Variants in ANXA4 observed in about 807,000 individuals in gnomAD.
ANXA4 encodes annexin A4.
A neutral mutation model predicts 49.8 loss-of-function variants in ANXA4; 39 were observed. The observed-to-expected ratio is 0.78, with a 90% CI of 0.61 to 1.02. ANXA4 has a LOEUF of 1.02. ANXA4 is among the 50% of genes least tolerant of loss of function. The pLI is 0.00. For synonymous variants in ANXA4, 134 were observed against 152.5 expected, an observed-to-expected ratio of 0.88 and a Z score of 0.89; for missense variants, 360 against 410.1, an observed-to-expected ratio of 0.88 and a Z score of 1.05.
chr2:69,728,735 T>C (rs1179901595), intron 3 of ANXA4, among the ~76,000 whole-genome samples: 2 of 152,238 alleles, frequency 1.3e-5, no homozygotes, highest in Non-Finnish European at 2.9e-5. Flanking sequence ...TCTCTATCTG[T>C]ATATGAATAC....
chr2:69,727,442 T>G (rs1448397264), intron 3 of ANXA4, among the ~76,000 whole-genome samples: 1 of 152,166 alleles, frequency 6.6e-6, no homozygotes, highest in Non-Finnish European at 1.5e-5. Flanking sequence ...TTTTGGACAT[T>G]CTGGTGTGTG....
At chr2:69,727,019 A>G (rs1297124647) in intron 3 of ANXA4, among the ~76,000 whole-genome samples, 1 of 152,036 alleles carries the variant, frequency 6.6e-6, no homozygotes, top group Non-Finnish European at 1.5e-5. Flanking sequence ...AGTAGCTGGG[A>G]CTACAGGTGT....
intron 1 of ANXA4, among the ~76,000 whole-genome samples, chr2:69,751,990 A>C (rs1261089930): frequency 6.6e-6 from 1 of 152,218 alleles, no homozygotes; most frequent in African/African-American, 2.4e-5. Flanking sequence ...TCAGTATAAT[A>C]ATTTGATATA....
intron 3 of ANXA4, among the ~76,000 whole-genome samples, chr2:69,788,895 AGAGG>A (rs1272413931): frequency 4.9e-5 from 6 of 123,580 alleles, no homozygotes; most frequent in African/African-American, 5.9e-5. Context: ...AAGAAGGAGG[AGAGG>A]GAGGGAGGGA....
chr2:69,718,824 GCA>G lies in ANXA4; in HGVS notation n.767-1943_767-1942del, dbSNP rs559368351. Reference sequence around the variant, plus strand: ...GCATACACACACATGCTGCACACATGCACACACATATACATGCACACACATAC... The same window carrying G: ...GCATACACACACATGCTGCACACATGCACACATATACATGCACACACATAC... On this transcript the variant is annotated intron_variant and non_coding_transcript_variant, in intron 2 of 3. Transcript: ENST00000418066. Among the ~76,000 whole-genome samples the G allele has an allele frequency of 6.0e-3, 906 of 150,230 alleles. 11 individuals are homozygous for G. Among genetic ancestry groups the G allele is most frequent in the African/African-American group, 0.02 (795 of 39,946 alleles).
At chr2:69,822,201 A>G (rs1029112571) in intron 12 of ANXA4, among the ~76,000 whole-genome samples, 10 of 152,116 alleles carry the variant, frequency 6.6e-5, no homozygotes, top group Non-Finnish European at 1.3e-4. Context: ...TCTCTACAAA[A>G]TCAACAAAAA....
intron 1 of ANXA4, among the ~76,000 whole-genome samples, chr2:69,757,301 C>T (rs1255350461): frequency 6.9e-5 from 8 of 115,446 alleles, no homozygotes; most frequent in Admixed American, 5.5e-4. Flanking sequence ...GGTGGAGTCT[C>T]GCTGTGTTGC....
At chr2:69,798,661 G>A (rs1673049579) in intron 3 of ANXA4, among the ~76,000 whole-genome samples, 1 of 152,236 alleles carries the variant, frequency 6.6e-6, no homozygotes, top group South Asian at 2.1e-4. Context: ...CTTCAAGACT[G>A]GTGGCCAGCC....
At chr2:69,779,156 CCTT>C (rs1216802707) in intron 1 of ANXA4, among the ~76,000 whole-genome samples, 43 of 142,782 alleles carry the variant, frequency 3.0e-4, no homozygotes, top group Non-Finnish European at 5.6e-4. Flanking sequence ...CAGAATGAAT[CCTT>C]TTTTTTTTAA....
chr2:69,796,682 A>G (rs992397612), intron 3 of ANXA4, among the ~76,000 whole-genome samples: 6 of 152,150 alleles, frequency 3.9e-5, no homozygotes, highest in African/African-American at 1.4e-4. Context: ...TAGGGGTAGA[A>G]GTGAAGCTGG....
At chr2:69,646,773 G>A (rs1376061176) in intron 1 of ANXA4, among the ~76,000 whole-genome samples, 1 of 152,140 alleles carries the variant, frequency 6.6e-6, no homozygotes, top group Non-Finnish European at 1.5e-5. Context: ...ACACTGGCCT[G>A]GAGATAAGCA....
chr2:69,746,683 C>T (rs1398254183), intron 1 of ANXA4, among the ~76,000 whole-genome samples: 1 of 152,156 alleles, frequency 6.6e-6, no homozygotes, highest in Non-Finnish European at 1.5e-5. Context: ...CATAATGCTT[C>T]TTGGTCCACA....
At chr2:69,692,148 G>A (rs1677997022) in intron 2 of ANXA4, among the ~76,000 whole-genome samples, 1 of 152,182 alleles carries the variant, frequency 6.6e-6, no homozygotes, top group African/African-American at 2.4e-5. Flanking sequence ...GCCTCCCAAA[G>A]TGCTGGGATT....
At chr2:69,715,642 C>T (rs1222921145) in intron 2 of ANXA4, among the ~76,000 whole-genome samples, 1 of 152,230 alleles carries the variant, frequency 6.6e-6, no homozygotes, top group Non-Finnish European at 1.5e-5. Context: ...GATGCAAATG[C>T]AGAGGCACGA....
At chr2:69,718,612 T>A (rs1429328215) in intron 2 of ANXA4, among the ~76,000 whole-genome samples, 1 of 152,210 alleles carries the variant, frequency 6.6e-6, no homozygotes, top group Non-Finnish European at 1.5e-5. Context: ...CTTCTTGTGC[T>A]TTGGGGTTTC....
intron 2 of ANXA4, among the ~76,000 whole-genome samples, chr2:69,787,504 G>T (rs1053474258): frequency 6.6e-6 from 1 of 152,166 alleles, no homozygotes; most frequent in Non-Finnish European, 1.5e-5. Flanking sequence ...CTGGAAATTT[G>T]TTTTTGGCTC....
chr2:69,753,225 A>G (rs1160264393), intron 1 of ANXA4, among the ~76,000 whole-genome samples: 3 of 152,166 alleles, frequency 2.0e-5, no homozygotes, highest in Non-Finnish European at 2.9e-5. Context: ...ATAAATTTTA[A>G]GTAAGGACTA....
chr2:69,757,266 ATTT>A (rs1177266386), intron 1 of ANXA4, among the ~76,000 whole-genome samples: 16 of 27,642 alleles, frequency 5.8e-4, no homozygotes, highest in African/African-American at 1.6e-3. Context: ...ATATATATAT[ATTT>A]TTTTTTTTTT....
chr2:69,800,607 G>T (rs547771109), intron 3 of ANXA4, among the ~76,000 whole-genome samples: 56 of 152,310 alleles, frequency 3.7e-4, no homozygotes, highest in African/African-American at 1.3e-3. Context: ...TTTCACTTGG[G>T]GGCATCGGGC....
Sources: gnomAD v4.1 joint callset for allele counts (sites outside exome capture counted in the v4.1 genomes callset) on GRCh38, gnomAD v4.1.1 for gene constraint, MANE v1.5 for transcripts, NCBI Gene and HGNC (gene_info 2026-07-23, HGNC 2026-07-21) for gene names.